The following SDK1 variants were observed in gnomAD, a reference collection of about 807,000 sequenced individuals.
SDK1 encodes the protein protein sidekick-1.
A neutral mutation model predicts 245.5 loss-of-function variants in SDK1; 157 were observed. The observed-to-expected ratio is 0.64, with a 90% CI of 0.56 to 0.73. The LOEUF is 0.73. Ranked by LOEUF, SDK1 falls within the 30% of genes least tolerant of loss-of-function variation. SDK1 has a pLI of 0.00. For synonymous variants in SDK1, 1,647 were observed against 1,278.5 expected (o/e 1.29, Z -6.15); for missense variants, 3,583 against 3,002.3 (o/e 1.19, Z -4.52).
At chr7:3,313,198 A>G (rs1157633180) in intron 1 of SDK1, among the ~76,000 whole-genome samples, 2 of 152,178 alleles carry the variant, frequency 1.3e-5, no homozygotes, top group Non-Finnish European at 2.9e-5. Flanking sequence ...CACGAGGTCA[A>G]GAGATCGAGA....
chr7:3,904,111 C>T (rs1389262479), intron 5 of SDK1, among the ~76,000 whole-genome samples: 3 of 152,140 alleles, frequency 2.0e-5, no homozygotes, highest in Non-Finnish European at 4.4e-5. Flanking sequence ...GTTAAAGTAA[C>T]ACAAAACAGA....
chr7:3,496,523 A>G (rs1002329826), intron 1 of SDK1, among the ~76,000 whole-genome samples: 1 of 151,452 alleles, frequency 6.6e-6, no homozygotes, highest in Admixed American at 6.6e-5. Context: ...CTCCCTAATT[A>G]TAAAATACAG....
chr7:3,974,525 G>T lies in SDK1; in HGVS notation c.1974G>T (p.Arg658Ser). 6.2e-7 allele frequency: 1 copy of T among 1,614,162 alleles called. No homozygotes were observed. The highest frequency in any genetic ancestry group is 8.5e-7 in the Non-Finnish European group (1 of 1,180,024). ...TTTCTGAAGGAGGGAATGACTCCAG[G>T]ATGGCCCGGCTGGAAGTGATGTGAG... Reference protein sequence around the residue: ...EIVSEGGNDSRMARLEVIELP... With the variant: ...EIVSEGGNDSSMARLEVIELP... The change falls in exon 13 of 45, where the codon AGG (arginine) becomes AGT (serine). Residue 658 changes from arginine to serine, a missense_variant. Arg to Ser is a moderately radical substitution (Grantham distance 110). Transcript: ENST00000404826.
chr7:3,618,523 T>C (rs1781838578), intron 1 of SDK1, among the ~76,000 whole-genome samples: 1 of 152,236 alleles, frequency 6.6e-6, no homozygotes, highest in African/African-American at 2.4e-5. Flanking sequence ...CAGTGCGCTG[T>C]TCCATTATGT....
chr7:3,801,977 G>A (rs918231572), intron 4 of SDK1, among the ~76,000 whole-genome samples: 5 of 152,314 alleles, frequency 3.3e-5, no homozygotes, highest in African/African-American at 9.6e-5. Context: ...TTGAGTAGGG[G>A]TATTCCTTTT....
intron 4 of SDK1, among the ~76,000 whole-genome samples, chr7:3,759,022 G>A (rs143753024): frequency 5.7e-4 from 87 of 152,256 alleles, no homozygotes; most frequent in Non-Finnish European, 9.4e-4. Flanking sequence ...AACCTGACTC[G>A]CATTATCCAC....
intron 7 of SDK1, among the ~76,000 whole-genome samples, chr7:3,956,577 C>A (rs914359388): frequency 8.5e-5 from 13 of 152,200 alleles, no homozygotes; most frequent in African/African-American, 3.1e-4. Context: ...AATGAACAGC[C>A]AGATGTTTTC....
Position 3,974,438 on chromosome 7 carries a change from C to T in SDK1, c.1887C>T (p.Asp629=), listed in dbSNP as rs367934053. 5.7e-5 allele frequency: 92 copies of T among 1,613,706 alleles called. No individual in the cohort carries two copies. The highest frequency in any genetic ancestry group is 5.1e-4 in the African/African-American group (38 of 74,878). Reference sequence around the variant, plus strand: ...CGTCTAGGATCGTGGTGGAGAAGGACGGGTCCCTTCTCATCAGCCAGACGT... The same window carrying T: ...CGTCTAGGATCGTGGTGGAGAAGGATGGGTCCCTTCTCATCAGCCAGACGT... The part of the protein sequence containing the change: ...SSTSRIVVEK[D]GSLLISQTWS... Residue 629 remains aspartate (D), a synonymous_variant, in exon 13 of 45, where the codon GAC becomes GAT. Coordinates refer to ENST00000404826, the MANE Select transcript of SDK1 (RefSeq NM_152744.4).
At position 3,615,065 on chromosome 7, in the gene SDK1, C is replaced by G. The variant is rs11982655; in HGVS notation, c.299-4015C>G. ...TATACTATATTAAAATGATGATGCT[C>G]TATCAATAGCAAAACCAAATTCAGA... On this transcript the variant is annotated intron_variant, in intron 1 of 44. Transcript: ENST00000404826. Among the ~76,000 whole-genome samples, 985 of 151,784 alleles carry G rather than the reference C, an allele frequency of 6.5e-3. 19 individuals carry two copies. Among genetic ancestry groups the G allele is most frequent in the African/African-American group, 0.022 (927 of 41,520 alleles).
At chr7:3,968,227 G>A (rs537765867) in intron 10 of SDK1, among the ~76,000 whole-genome samples, 1 of 152,188 alleles carries the variant, frequency 6.6e-6, no homozygotes, top group Non-Finnish European at 1.5e-5. Context: ...AACCTGGGAC[G>A]CTTCAGCCCA....
At chr7:3,976,085 A>G (rs60111687) in intron 13 of SDK1, among the ~76,000 whole-genome samples, 25 of 1,874 alleles carry the variant, frequency 0.013, 2 homozygotes, top group African/African-American at 0.02. Context: ...AGAATCACTG[A>G]GGGTCCCGGG....
chr7:3,617,173 A>G (rs951259016), intron 1 of SDK1, among the ~76,000 whole-genome samples: 1 of 152,208 alleles, frequency 6.6e-6, no homozygotes, highest in African/African-American at 2.4e-5. Context: ...AATGGTTTCC[A>G]GCACAAAGTA....
intron 4 of SDK1, among the ~76,000 whole-genome samples, chr7:3,754,408 G>A (rs1779859292): frequency 6.6e-6 from 1 of 152,170 alleles, no homozygotes; most frequent in Admixed American, 6.5e-5. Context: ...TACAGGTGGT[G>A]AGAAAGAAAA....
rs1275443428 is a variant in SDK1 at position 4,233,318 on chromosome 7, G to T, written c.5891G>T (p.Ser1964Ile). The change falls in exon 41 of 45, where the codon AGC becomes ATC. Residue 1964 changes from serine (S) to isoleucine (I), a missense_variant. Transcript: ENST00000404826. ...CGGAGCGCCACATCCTACACCCTCA[G>T]CCTGGATAAGCTCCGGCAAGGAGTG... ...IPRSATSYTL[S>I]LDKLRQGVTY... 1.9e-6 allele frequency: 3 copies of T among 1,613,866 alleles called. No homozygotes were observed. Among genetic ancestry groups the T allele is most frequent in the Non-Finnish European group, 2.5e-6 (3 of 1,180,050 alleles).
intron 5 of SDK1, among the ~76,000 whole-genome samples, chr7:3,848,166 A>G (rs1012942202): frequency 9.9e-5 from 15 of 152,252 alleles, no homozygotes; most frequent in Non-Finnish European, 2.1e-4. Flanking sequence ...ATTCTATAAT[A>G]TATTACAAAC....
rs1781780491 is a variant in SDK1 at position 3,962,516 on chromosome 7, T to A, written c.1235-141T>A. 5.8e-6 allele frequency: 4 copies of A among 692,352 alleles called. No homozygotes were observed. The Admixed American group carries it at 1.3e-4, about 22-fold the overall frequency. The allele number at this position is 692,352 out of a possible 1,614,324, so 42.9% of individuals were successfully genotyped here. ...CTTCATCTACAACGAGAAAAATAGC[T>A]CCTTATAGGGTGGTTGAAAGCACGA... On this transcript the variant is annotated intron_variant, in intron 8 of 44. Transcript: ENST00000404826.
chr7:3,716,964 A>G (rs1006349648), intron 4 of SDK1, among the ~76,000 whole-genome samples: 4 of 152,174 alleles, frequency 2.6e-5, no homozygotes, highest in Admixed American at 6.5e-5. Flanking sequence ...TCACTTCATG[A>G]GTTTCCTAAA....
At chr7:4,180,429 A>AGCTCCAGCTCTATGCCCAGCACCCG (rs1562398861) in intron 35 of SDK1, among the ~76,000 whole-genome samples, 1 of 99,436 alleles carries the variant, frequency 1.0e-5, no homozygotes, top group African/African-American at 3.8e-5. Context: ...CCCAGCGCCC[A>AGCTCCAGCTCTATGCCCAGCACCCG]GCTCCAGCTC....
At chr7:3,916,943 A>G (rs934139656) in intron 5 of SDK1, among the ~76,000 whole-genome samples, 1 of 152,236 alleles carries the variant, frequency 6.6e-6, no homozygotes, top group African/African-American at 2.4e-5. Context: ...CATAGTATAA[A>G]GTTGCTTATC....
Sources: gnomAD v4.1 joint callset for allele counts (sites outside exome capture counted in the v4.1 genomes callset) on GRCh38, gnomAD v4.1.1 for gene constraint, MANE v1.5 for transcripts, NCBI Gene and HGNC (gene_info 2026-07-23, HGNC 2026-07-21) for gene names.